Variants in C17orf75 observed in about 807,000 individuals in gnomAD.
C17orf75 encodes the protein chromosome 17 open reading frame 75.
A neutral mutation model predicts 49.6 loss-of-function variants in C17orf75; 32 were observed. The ratio of observed to expected loss-of-function variants is 0.65; its 90% CI spans 0.49 to 0.87. The LOEUF is 0.87. Among genes scored for constraint, C17orf75 ranks in the 40% least tolerant of loss-of-function variants. The pLI, the probability that C17orf75 is intolerant of heterozygous loss-of-function variation, is 0.00. For missense variants in C17orf75, 428 were observed against 473.9 expected, an observed-to-expected ratio of 0.90 and a Z score of 0.90; for synonymous variants, 158 against 159.5, an observed-to-expected ratio of 0.99 and a Z score of 0.07.
chr17:32,344,040 C>T (rs1597740173), upstream of C17orf75: 2 of 669,776 alleles, frequency 3.0e-6, no homozygotes, highest in Non-Finnish European at 5.5e-6. Context: ...GTGCATTGTA[C>T]TTGAATAGCC....
chr17:32,341,077 G>T, intron 2 of C17orf75, 127 bp downstream of exon 2: 1 of 974,426 alleles, frequency 1.0e-6, no homozygotes. Context: ...GTTCCTAGGG[G>T]ATAGGAGGAA....
chr17:32,331,858 T>C lies in C17orf75; in HGVS notation c.1096A>G (p.Ile366Val). ...NCGSGDILLK[I>V]VKVEHEEMPE... ...ATTTCTTCATGTTCCACTTTAACAA[T>C]CTTCAAAAGTATATCTCCACTACCA... The change falls in exon 10 of 10, where the codon ATT (isoleucine) becomes GTT (valine). Residue 366 changes from isoleucine to valine, a missense_variant. Coordinates refer to ENST00000577809, the MANE Select transcript of C17orf75 (RefSeq NM_022344.4). The C allele has an allele frequency of 6.2e-7, 1 of 1,613,636 alleles. No homozygotes were observed. Among genetic ancestry groups the C allele is most frequent in the Non-Finnish European group, 8.5e-7 (1 of 1,179,646 alleles).
chr17:32,334,498 C>G lies in C17orf75; in HGVS notation c.842G>C (p.Ser281Thr). The G allele has an allele frequency of 6.2e-7, 1 of 1,612,294 alleles. No individual in the cohort carries two copies. Among genetic ancestry groups the G allele is most frequent in the East Asian group, 2.2e-5 (1 of 44,878 alleles). Reference sequence around the variant, plus strand: ...ATTGCAGAACTGAGGCTGGGAGCTGCTGCAATCGATGACCACAGACTTATG... The same window carrying G: ...ATTGCAGAACTGAGGCTGGGAGCTGGTGCAATCGATGACCACAGACTTATG... ...EQHKSVVIDC[S>T]SSQPQFCNAG... is the part of the protein sequence containing the mutation. The change falls in exon 8 of 10, where the codon AGC becomes ACC. Residue 281 changes from serine (S) to threonine (T), a missense_variant. Transcript: ENST00000577809.
At chr17:32,338,388 G>A in intron 3 of C17orf75, 37 bp from the exon 4 acceptor site, 1 of 1,587,974 alleles carries the variant, frequency 6.3e-7, no homozygotes, top group Non-Finnish European at 8.6e-7. Context: ...CATTATTTTG[G>A]TTACTCATGC....
intron 1 of C17orf75, among the ~76,000 whole-genome samples, chr17:32,347,475 T>G (rs532438409): frequency 6.6e-6 from 1 of 151,702 alleles, no homozygotes; most frequent in South Asian, 2.1e-4. Flanking sequence ...AGAGACAGGG[T>G]TTCATCATGT....
chr17:32,349,275 G>C (rs961417857), intron 1 of C17orf75, among the ~76,000 whole-genome samples: 3 of 151,958 alleles, frequency 2.0e-5, no homozygotes, highest in Admixed American at 2.0e-4. Flanking sequence ...GCTTGCTCCC[G>C]TTGACTCCTC....
upstream of C17orf75, among the ~76,000 whole-genome samples, chr17:32,344,512 G>A (rs1026265742): frequency 1.3e-5 from 2 of 151,618 alleles, no homozygotes; most frequent in Non-Finnish European, 2.9e-5. Context: ...AGCTAGTTGG[G>A]AGGCTGAGGC....
intron 3 of C17orf75, 83 bp downstream of exon 3, chr17:32,339,730 G>A: frequency 6.4e-7 from 1 of 1,554,394 alleles, no homozygotes; most frequent in Non-Finnish European, 8.7e-7. Flanking sequence ...GGTCTAGTAG[G>A]AGCTGATCTT....
intron 9 of C17orf75, among the ~76,000 whole-genome samples, chr17:32,332,196 G>A (rs769175070): frequency 9.2e-5 from 14 of 152,064 alleles, no homozygotes; most frequent in Admixed American, 2.0e-4. Context: ...AGGCTGAAGC[G>A]CAATGGCTTG....
chr17:32,343,807 A>C (rs965462233), upstream of C17orf75: 8 of 669,122 alleles, frequency 1.2e-5, no homozygotes, highest in East Asian at 2.7e-5. Context: ...GAGGCATTTC[A>C]GATCGGCAGT....
At chr17:32,343,307 T>G (rs73984521), upstream of C17orf75, among the ~76,000 whole-genome samples, 16 of 94,876 alleles carry the variant, frequency 1.7e-4, no homozygotes, top group Non-Finnish European at 2.0e-4. Flanking sequence ...TGTTTTGTGT[T>G]TTTTTTTTTT....
In C17orf75 at chr17:32,328,523, A is replaced by C. The variant is rs1302114371; in HGVS notation, c.*3240T>G. On this transcript the variant is annotated 3_prime_UTR_variant, in exon 10 of 10. Coordinates refer to ENST00000577809, the MANE Select transcript of C17orf75 (RefSeq NM_022344.4). ...GCCATTCTTCATACATGACAAACAT[A>C]CATTTCCTCTGTGTGTACAGCACAC... 6.6e-6 allele frequency: 1 copy of C among 152,236 alleles called. No individual in the cohort carries two copies. The highest frequency in any genetic ancestry group is 1.5e-5 in the Non-Finnish European group (1 of 68,036). 9.4% of individuals were successfully genotyped at this position (152,236 alleles called of 1,614,324 possible). A position where few individuals can be genotyped will look rare whatever the true frequency, so the allele number is the denominator to read the frequency against.
At chr17:32,347,829 TG>T (rs1186685204) in intron 1 of C17orf75, among the ~76,000 whole-genome samples, 1 of 152,124 alleles carries the variant, frequency 6.6e-6, no homozygotes, top group East Asian at 1.9e-4. Flanking sequence ...TTCAAGCAGT[TG>T]GGGGGATATT....
chr17:32,347,019 T>G (rs1397008228), upstream of C17orf75, among the ~76,000 whole-genome samples: 2 of 151,876 alleles, frequency 1.3e-5, no homozygotes, highest in Non-Finnish European at 2.9e-5. Context: ...TGGCACAATC[T>G]CAGCTCACTG....
At chr17:32,341,911 G>C in intron 1 of C17orf75, 89 bp downstream of exon 1, 3 of 1,128,552 alleles carry the variant, frequency 2.7e-6, no homozygotes, top group Non-Finnish European at 3.2e-6. Flanking sequence ...CGGGCCGCTG[G>C]GCCGGGGGTG....
intron 1 of C17orf75, chr17:32,349,855 T>C: frequency 1.1e-6 from 1 of 929,732 alleles, no homozygotes; most frequent in Non-Finnish European, 1.3e-6. Context: ...GCTGTCTCTA[T>C]CTTTATTTGT....
At chr17:32,347,739 C>A (rs1023298082) in intron 1 of C17orf75, among the ~76,000 whole-genome samples, 2 of 151,436 alleles carry the variant, frequency 1.3e-5, no homozygotes, top group African/African-American at 4.9e-5. Context: ...AATCACTAAT[C>A]CCCCCCCACC....
At chr17:32,341,122 T>C in intron 2 of C17orf75, 82 bp downstream of exon 2, 5 of 1,383,324 alleles carry the variant, frequency 3.6e-6, no homozygotes, top group South Asian at 3.5e-5. Context: ...TCAGTGGAAA[T>C]AGAGTATCCA....
At chr17:32,343,917 A>C, upstream of C17orf75, 1 of 682,400 alleles carries the variant, frequency 1.5e-6, no homozygotes, top group Non-Finnish European at 2.7e-6. Flanking sequence ...CTCATAGTAG[A>C]TATTTGGCAA....
Sources: gnomAD v4.1 joint callset for allele counts (sites outside exome capture counted in the v4.1 genomes callset) on GRCh38, gnomAD v4.1.1 for gene constraint, MANE v1.5 for transcripts, NCBI Gene and HGNC (gene_info 2026-07-23, HGNC 2026-07-21) for gene names.